The following SLC9A9 variants were observed in gnomAD, a reference collection of about 807,000 sequenced individuals.
The protein encoded by SLC9A9 is sodium/hydrogen exchanger 9.
SLC9A9 carries 62 observed loss-of-function variants against 77.8 expected under a neutral mutation model. The observed-to-expected ratio is 0.80, with a 90% CI of 0.65 to 0.98. The LOEUF (loss-of-function observed/expected upper bound fraction) is 0.98, where lower values mean the gene tolerates loss of function less well. SLC9A9 is among the 50% of genes least tolerant of loss of function. The pLI is 0.00. For missense variants in SLC9A9, 775 were observed against 774.9 expected, an observed-to-expected ratio of 1.00 and a Z score of 0.00; for synonymous variants, 320 against 283.5, an observed-to-expected ratio of 1.13 and a Z score of -1.29.
intron 6 of SLC9A9, among the ~76,000 whole-genome samples, chr3:143,578,973 A>G (rs1206559678): frequency 2.0e-5 from 3 of 152,186 alleles, no homozygotes; most frequent in Admixed American, 6.5e-5. Context: ...GAAGGGTCAT[A>G]AAGAATATTG....
intron 12 of SLC9A9, among the ~76,000 whole-genome samples, chr3:143,417,096 T>C (rs1166947836): frequency 6.6e-6 from 1 of 151,968 alleles, no homozygotes; most frequent in African/African-American, 2.4e-5. Context: ...ATACTGATGA[T>C]ATAGGAGAGA....
At position 143,285,942 on chromosome 3, in the gene SLC9A9, G is replaced by A. The variant is rs192765834; in HGVS notation, c.1605-16962C>T. On this transcript the variant is annotated intron_variant, in intron 14 of 15. Transcript: ENST00000316549. ...TTTGAGGAGGTTCTATTCATGAGCC[G>A]GGTGTTTTGAGCATTTTAGTAATTA... Among the ~76,000 whole-genome samples, 114 of 152,220 alleles carry A rather than the reference G, an allele frequency of 7.5e-4. 1 individual carries two copies. Among genetic ancestry groups the A allele is most frequent in the African/African-American group, 1.8e-3 (73 of 41,532 alleles).
chr3:143,618,522 A>G (rs2038146144), intron 6 of SLC9A9, among the ~76,000 whole-genome samples: 1 of 152,172 alleles, frequency 6.6e-6, no homozygotes, highest in Non-Finnish European at 1.5e-5. Context: ...GCTCAAAGAC[A>G]GTACAAAGTT....
chr3:143,680,425 A>G (rs1933049376), intron 5 of SLC9A9, among the ~76,000 whole-genome samples: 1 of 152,190 alleles, frequency 6.6e-6, no homozygotes, highest in Non-Finnish European at 1.5e-5. Context: ...GGAGGAAGAA[A>G]AAGATAAAGT....
At chr3:143,749,033 T>A (rs192844046) in intron 4 of SLC9A9, among the ~76,000 whole-genome samples, 3 of 151,596 alleles carry the variant, frequency 2.0e-5, no homozygotes, top group Admixed American at 6.6e-5. Context: ...ACTTCAAGTC[T>A]TTTTTTTTCT....
chr3:143,797,560 A>G (rs939790387), intron 2 of SLC9A9, among the ~76,000 whole-genome samples: 1 of 151,994 alleles, frequency 6.6e-6, no homozygotes, highest in Non-Finnish European at 1.5e-5. Flanking sequence ...TTCCTGCCTT[A>G]ACTGATGACA....
At chr3:143,508,308 T>C (rs545851424) in intron 9 of SLC9A9, among the ~76,000 whole-genome samples, 1 of 152,338 alleles carries the variant, frequency 6.6e-6, no homozygotes, top group Non-Finnish European at 1.5e-5. Context: ...AATCCCTTGA[T>C]AAAAGTATTG....
chr3:143,573,850 G>A (rs2037311233), intron 8 of SLC9A9, among the ~76,000 whole-genome samples: 1 of 152,144 alleles, frequency 6.6e-6, no homozygotes, highest in Non-Finnish European at 1.5e-5. Flanking sequence ...TGTCCAGCCA[G>A]GAGAAGAGAG....
At chr3:143,591,175 C>T (rs1293204784) in intron 6 of SLC9A9, among the ~76,000 whole-genome samples, 1 of 152,214 alleles carries the variant, frequency 6.6e-6, no homozygotes, top group Non-Finnish European at 1.5e-5. Context: ...CTTCCCTGAT[C>T]TCCCATTTAT....
intron 12 of SLC9A9, among the ~76,000 whole-genome samples, chr3:143,448,878 A>T (rs1167620458): frequency 2.0e-4 from 10 of 49,736 alleles, no homozygotes; most frequent in South Asian, 6.1e-4. Flanking sequence ...ATATAATATG[A>T]TATATATTAT....
At chr3:143,307,213 T>A (rs905280424) in intron 14 of SLC9A9, among the ~76,000 whole-genome samples, 4 of 152,210 alleles carry the variant, frequency 2.6e-5, no homozygotes, top group Non-Finnish European at 5.9e-5. Flanking sequence ...GGGGGCAATG[T>A]TTATACCATG....
intron 11 of SLC9A9, among the ~76,000 whole-genome samples, chr3:143,468,080 G>A (rs1258392302): frequency 6.6e-6 from 1 of 152,176 alleles, no homozygotes; most frequent in East Asian, 1.9e-4. Flanking sequence ...CTGTTGAAGG[G>A]TATCTGAGTT....
intron 6 of SLC9A9, among the ~76,000 whole-genome samples, chr3:143,617,747 A>G (rs1027730656): frequency 6.6e-6 from 1 of 152,202 alleles, no homozygotes; most frequent in Non-Finnish European, 1.5e-5. Context: ...TACTTCACTT[A>G]TCTATCTACC....
chr3:143,798,342 C>T (rs557888178), intron 2 of SLC9A9, among the ~76,000 whole-genome samples: 1 of 152,314 alleles, frequency 6.6e-6, no homozygotes, highest in African/African-American at 2.4e-5. Context: ...CACCCACATT[C>T]CATTGGTGTG....
At position 143,781,872 on chromosome 3, in the gene SLC9A9, T is replaced by C. The variant is rs113325429; in HGVS notation, c.533+13129A>G. ...TAGGAATGAGTAAGTAAGGGTGAAA[T>C]AGAGCAATAAAGCATCGCAGAGCTG... On this transcript the variant is annotated intron_variant, in intron 4 of 15. Transcript: ENST00000316549. Among the ~76,000 whole-genome samples the C allele has an allele frequency of 5.3e-5, 8 of 152,300 alleles. 1 individual carries two copies. Among genetic ancestry groups the C allele is most frequent in the African/African-American group, 1.9e-4 (8 of 41,556 alleles).
intron 8 of SLC9A9, among the ~76,000 whole-genome samples, chr3:143,568,947 A>C (rs1456198037): frequency 1.3e-5 from 2 of 152,176 alleles, no homozygotes; most frequent in African/African-American, 4.8e-5. Context: ...CAAAATATAA[A>C]GTAGCTGCTG....
intron 6 of SLC9A9, among the ~76,000 whole-genome samples, chr3:143,604,177 G>T (rs1415369204): frequency 6.6e-6 from 1 of 152,106 alleles, no homozygotes; most frequent in Non-Finnish European, 1.5e-5. Context: ...TTAAGAAAGT[G>T]ATACAGTTTT....
At chr3:143,345,925 A>G (rs1324308001) in intron 14 of SLC9A9, among the ~76,000 whole-genome samples, 3 of 152,210 alleles carry the variant, frequency 2.0e-5, no homozygotes, top group African/African-American at 4.8e-5. Flanking sequence ...TATCAGGTCA[A>G]AGAAGGATCT....
At chr3:143,673,497 T>C (rs1243913437) in intron 5 of SLC9A9, among the ~76,000 whole-genome samples, 1 of 147,574 alleles carries the variant, frequency 6.8e-6, no homozygotes, top group Non-Finnish European at 1.5e-5. Flanking sequence ...GTTTGAAATA[T>C]CAGTGAAATA....
Sources: gnomAD v4.1 joint callset for allele counts (sites outside exome capture counted in the v4.1 genomes callset) on GRCh38, gnomAD v4.1.1 for gene constraint, MANE v1.5 for transcripts, NCBI Gene and HGNC (gene_info 2026-07-23, HGNC 2026-07-21) for gene names.